PCNT: variants seen among roughly 807,000 people sequenced by gnomAD.
The protein encoded by PCNT is kendrin.
A neutral mutation model predicts 380.4 loss-of-function variants in PCNT; 319 were observed. The observed-to-expected ratio is 0.84, with a 90% confidence interval of 0.77 to 0.92. PCNT has a LOEUF of 0.92. Ranked by LOEUF, PCNT falls within the 40% of genes least tolerant of loss-of-function variation. The pLI is 0.00. For synonymous variants in PCNT, 1,845 were observed against 1,735.2 expected, an observed-to-expected ratio of 1.06 and a Z score of -1.57; for missense variants, 4,400 against 4,255.3, an observed-to-expected ratio of 1.03 and a Z score of -0.95.
chr21:46,334,816 C>A (rs776607876), intron 3 of PCNT, 48 bp downstream of exon 3: 1 of 1,613,936 alleles, frequency 6.2e-7, no homozygotes, highest in Admixed American at 1.7e-5. Flanking sequence ...CAAAAGATTT[C>A]TTTATGTTGT....
intron 33 of PCNT, among the ~76,000 whole-genome samples, chr21:46,426,802 A>G (rs999315589): frequency 6.6e-6 from 1 of 151,980 alleles, no homozygotes; most frequent in East Asian, 1.9e-4. Context: ...GCCAACTCCC[A>G]TCACGCTCCC....
intron 15 of PCNT, among the ~76,000 whole-genome samples, chr21:46,370,127 T>C (rs1025212398): frequency 9.3e-5 from 14 of 150,854 alleles, no homozygotes; most frequent in Non-Finnish European, 1.3e-4. Context: ...GCCGCTGGAT[T>C]GTGCGTGCAG....
chr21:46,425,637 C>G lies in PCNT; in HGVS notation c.7180-194C>G, dbSNP rs1418256186. 6.6e-6 allele frequency among the ~76,000 whole-genome samples: 1 copy of G among 152,184 alleles called. No individual in the cohort carries two copies. The highest frequency in any genetic ancestry group is 1.5e-5 in the Non-Finnish European group (1 of 68,038). ...GCTTCCGTGTTGTCTCTCTGAAGGTCGGGAGAGGTGGGCTTGAAAACCTTG... is the reference window on the plus strand; with the variant it reads ...GCTTCCGTGTTGTCTCTCTGAAGGTGGGGAGAGGTGGGCTTGAAAACCTTG... On this transcript the variant is annotated intron_variant, in intron 32 of 46. Coordinates refer to ENST00000359568, the MANE Select transcript of PCNT (RefSeq NM_006031.6). This position sits in a 1 kb window ranked among gnomAD's most constrained non-coding sequence, Gnocchi z 4.2.
At chr21:46,398,759 G>T (rs1370587541) in intron 24 of PCNT, among the ~76,000 whole-genome samples, 1 of 152,064 alleles carries the variant, frequency 6.6e-6, no homozygotes, top group African/African-American at 2.4e-5. Context: ...AGGTTACTGA[G>T]TGTAGCCATA....
At chr21:46,361,378 G>A (rs753101921) in intron 13 of PCNT, among the ~76,000 whole-genome samples, 4 of 152,190 alleles carry the variant, frequency 2.6e-5, no homozygotes, top group African/African-American at 9.7e-5. Flanking sequence ...GCGGCAGAGC[G>A]AGACTCCGTC....
At position 46,398,026 on chromosome 21, in the gene PCNT, G is replaced by T; in HGVS notation, c.4459G>T (p.Glu1487Ter). 6.3e-7 allele frequency: 1 copy of T among 1,588,022 alleles called. No individual in the cohort carries two copies. The highest frequency in any genetic ancestry group is 8.6e-7 in the Non-Finnish European group (1 of 1,168,856). Residue 1487 changes from glutamate to a stop codon, truncating the protein, a stop_gained, in exon 23 of 47, where the codon GAG (glutamate) becomes TAG (stop). Transcript: ENST00000359568. LOFTEE classifies it high-confidence loss of function. ...CCTCTCCTCCCAGGAGCAGGCAGCC[G>T]AGCGGGAGCACGAGCGCGAGGAGTT... ...QRQFMDEQAA[E>*]REHEREEFQQ...
At chr21:46,365,238 G>A (rs2084859234) in intron 14 of PCNT, among the ~76,000 whole-genome samples, 1 of 151,476 alleles carries the variant, frequency 6.6e-6, no homozygotes, top group Middle Eastern at 3.4e-3. Flanking sequence ...CTGCCGTGGG[G>A]TTCTATTCAT....
At chr21:46,373,326 G>A (rs963691313) in intron 15 of PCNT, among the ~76,000 whole-genome samples, 19 of 151,892 alleles carry the variant, frequency 1.3e-4, no homozygotes, top group African/African-American at 3.4e-4. Context: ...GACTATTATC[G>A]GAATACTCCT....
At position 46,326,506 on chromosome 21, in the gene PCNT, G is replaced by T. The variant is rs375098069; in HGVS notation, c.184G>T (p.Ala62Ser). The T allele has an allele frequency of 6.2e-7, 1 of 1,614,194 alleles. No individual in the cohort carries two copies. The highest frequency in any genetic ancestry group is 1.1e-5 in the South Asian group (1 of 91,090). Residue 62 changes from alanine (A) to serine (S), a missense_variant, in exon 2 of 47, where the codon GCA becomes TCA. Coordinates refer to ENST00000359568, the MANE Select transcript of PCNT (RefSeq NM_006031.6). ...GAGTCCGGTAACCAAGGAGGACAGC[G>T]CACTCTGTGGAGGAGGGGACATTTG... ...EESPVTKEDSALCGGGDICKS... is the reference protein window; with the variant it reads ...EESPVTKEDSSLCGGGDICKS...
At chr21:46,387,643 CT>C (rs1231550410) in intron 17 of PCNT, among the ~76,000 whole-genome samples, 2 of 152,178 alleles carry the variant, frequency 1.3e-5, no homozygotes, top group Admixed American at 6.5e-5. Flanking sequence ...AGGACTCCCC[CT>C]CCCTGTTATT....
chr21:46,352,800 C>T (rs1013253232), intron 9 of PCNT, among the ~76,000 whole-genome samples: 1 of 152,182 alleles, frequency 6.6e-6, no homozygotes, highest in Non-Finnish European at 1.5e-5. Flanking sequence ...TGGTCTGGAT[C>T]CAGTTTCCTG....
In PCNT at chr21:46,432,225, G is replaced by A. The variant is rs575078921; in HGVS notation, c.8751+10G>A. 14 of 1,599,366 alleles carry A rather than the reference G, an allele frequency of 8.8e-6. No individual in the cohort carries two copies. The highest frequency in any genetic ancestry group is 8.0e-5 in the African/African-American group (6 of 74,644). ...AGACAAGGAGAAGCTGGTGAGAGCC[G>A]CCTGCCGGCGGAGCGTCCACACCTA... On this transcript the variant is annotated intron_variant, in intron 38 of 46. Transcript: ENST00000359568.
chr21:46,383,363 G>A (rs1159201959), intron 16 of PCNT, among the ~76,000 whole-genome samples: 8 of 147,080 alleles, frequency 5.4e-5, no homozygotes, highest in African/African-American at 1.2e-4. Context: ...AGTGGCGGAA[G>A]CGCATTCACC....
At chr21:46,402,826 A>C (rs943643420) in intron 27 of PCNT, among the ~76,000 whole-genome samples, 2 of 152,174 alleles carry the variant, frequency 1.3e-5, no homozygotes, top group Admixed American at 6.5e-5. Context: ...CTTCTCAAGG[A>C]GGTGACTTGA....
rs768454104 is a variant in PCNT at position 46,425,813 on chromosome 21, C to T, written c.7180-18C>T. 89 of 1,612,774 alleles carry T rather than the reference C, an allele frequency of 5.5e-5. 3 individuals carry two copies. Among genetic ancestry groups the T allele is most frequent in the South Asian group, 2.5e-4 (23 of 91,048 alleles). ...GGGGTGGCAGGCAACTCCCTTCTGACGCGCTTTCCCGCCACAGGCTTTACT... is the reference window on the plus strand; with the variant it reads ...GGGGTGGCAGGCAACTCCCTTCTGATGCGCTTTCCCGCCACAGGCTTTACT... On this transcript the variant is annotated intron_variant, in intron 32 of 46. Coordinates refer to ENST00000359568, the MANE Select transcript of PCNT (RefSeq NM_006031.6). This position sits in a 1 kb window ranked among gnomAD's most constrained non-coding sequence, Gnocchi z 4.2.
At chr21:46,428,613 C>G in intron 35 of PCNT, 23 bp downstream of exon 35, 1 of 1,573,296 alleles carries the variant, frequency 6.4e-7, no homozygotes, top group Non-Finnish European at 8.6e-7. Context: ...GTCTACACTG[C>G]CTGGGGCCCG....
At chr21:46,444,650 T>C (rs1438985311) in intron 45 of PCNT, 44 bp from the exon 46 acceptor site, 15 of 226,620 alleles carry the variant, frequency 6.6e-5, no homozygotes, top group African/African-American at 2.2e-4. Flanking sequence ...CTCAACTCTT[T>C]TTTTTTTTTT....
intron 3 of PCNT, among the ~76,000 whole-genome samples, chr21:46,335,417 TG>T (rs1277126248): frequency 3.3e-5 from 5 of 152,160 alleles, no homozygotes; most frequent in African/African-American, 4.8e-5. Context: ...TATTTTAGGC[TG>T]GGCACGGTGG....
intron 27 of PCNT, among the ~76,000 whole-genome samples, chr21:46,403,448 G>A (rs1231889635): frequency 6.9e-6 from 1 of 145,126 alleles, no homozygotes; most frequent in Non-Finnish European, 1.5e-5. Context: ...AATTGTGTGT[G>A]TGGTGCCCAC....
Sources: gnomAD v4.1 joint callset for allele counts (sites outside exome capture counted in the v4.1 genomes callset) on GRCh38, gnomAD v4.1.1 for gene constraint, Gnocchi (gnomAD v3.1) non-coding constraint, MANE v1.5 for transcripts, NCBI Gene and HGNC (gene_info 2026-07-23, HGNC 2026-07-21) for gene names.